The following INPP4B variants were observed in gnomAD, a reference collection of about 807,000 sequenced individuals.
The protein encoded by INPP4B is inositol polyphosphate-4-phosphatase type II B.
INPP4B carries 55 observed loss-of-function variants against 122.5 expected under a neutral mutation model. The observed-to-expected ratio is 0.45, with a 90% CI of 0.36 to 0.56. The LOEUF is 0.56. INPP4B is among the 20% of genes least tolerant of loss of function. The pLI, the probability that INPP4B is intolerant of heterozygous loss-of-function variation, is 0.00. For synonymous variants in INPP4B, 403 were observed against 388.7 expected (o/e 1.04, Z -0.43); for missense variants, 1,000 against 1,097.7 (o/e 0.91, Z 1.26).
intron 2 of INPP4B, among the ~76,000 whole-genome samples, chr4:142,554,531 G>A (rs886933197): frequency 1.3e-5 from 2 of 152,058 alleles, no homozygotes; most frequent in Non-Finnish European, 2.9e-5. Flanking sequence ...CTAATGAAAG[G>A]CAAGCTTAAC....
At chr4:142,226,719 C>T (rs778717140) in intron 12 of INPP4B, among the ~76,000 whole-genome samples, 5 of 151,996 alleles carry the variant, frequency 3.3e-5, no homozygotes, top group Admixed American at 1.3e-4. Flanking sequence ...AGGAAAGAAA[C>T]GATGTAGTGT....
chr4:142,526,106 T>C (rs1231009314), intron 2 of INPP4B, among the ~76,000 whole-genome samples: 1 of 152,066 alleles, frequency 6.6e-6, no homozygotes, highest in Non-Finnish European at 1.5e-5. Context: ...AGAACCCAGA[T>C]TTTAATAGTA....
At chr4:142,819,464 C>A (rs1016170031) in intron 1 of INPP4B, among the ~76,000 whole-genome samples, 6 of 152,070 alleles carry the variant, frequency 3.9e-5, no homozygotes, top group Admixed American at 6.6e-5. Flanking sequence ...AAAATGGCAA[C>A]TAGAAAATTC....
At chr4:142,163,481 C>A (rs183169273) in intron 16 of INPP4B, among the ~76,000 whole-genome samples, 1 of 151,832 alleles carries the variant, frequency 6.6e-6, no homozygotes, top group Non-Finnish European at 1.5e-5. Flanking sequence ...TATCTAATCA[C>A]GTAGACATTG....
At chr4:142,608,209 G>C (rs1027252514) in intron 2 of INPP4B, among the ~76,000 whole-genome samples, 1 of 152,084 alleles carries the variant, frequency 6.6e-6, no homozygotes, top group Non-Finnish European at 1.5e-5. Context: ...TGAAGGCAGA[G>C]GTTTCCTTTT....
At chr4:142,231,076 C>T (rs982304759) in intron 12 of INPP4B, among the ~76,000 whole-genome samples, 1 of 152,226 alleles carries the variant, frequency 6.6e-6, no homozygotes, top group Non-Finnish European at 1.5e-5. Flanking sequence ...AAGTGTATCA[C>T]AACCCTGAGA....
chr4:142,757,668 C>T (rs1202503595), intron 1 of INPP4B, among the ~76,000 whole-genome samples: 1 of 152,146 alleles, frequency 6.6e-6, no homozygotes, highest in Non-Finnish European at 1.5e-5. Context: ...ACCACAGTTT[C>T]TTTATTCACT....
chr4:142,456,824 T>C (rs1815541590), intron 3 of INPP4B, among the ~76,000 whole-genome samples: 1 of 152,026 alleles, frequency 6.6e-6, no homozygotes, highest in South Asian at 2.1e-4. Context: ...AGAATTTTAG[T>C]AGATATCAAG....
In INPP4B at chr4:142,356,870, G is replaced by C. The variant is rs115716102; in HGVS notation, c.373-42108C>G. Among the ~76,000 whole-genome samples, 886 of 151,998 alleles carry C rather than the reference G, an allele frequency of 5.8e-3. 8 individuals carry two copies. Among genetic ancestry groups the C allele is most frequent in the African/African-American group, 0.02 (831 of 41,510 alleles). On this transcript the variant is annotated intron_variant, in intron 7 of 25. Coordinates refer to ENST00000262992, the MANE Select transcript of INPP4B (RefSeq NM_001101669.3). ...TTTAGCCCCAGCCCTCATCCTGCAG[G>C]AAGGGGTGAGGGATTACACATTGAG...
At chr4:142,567,743 A>G (rs1055073190) in intron 2 of INPP4B, among the ~76,000 whole-genome samples, 4 of 152,208 alleles carry the variant, frequency 2.6e-5, no homozygotes, top group African/African-American at 9.6e-5. Context: ...CACCACAGCC[A>G]AAGTAATCAC....
At chr4:142,696,314 A>G (rs1318193606) in intron 2 of INPP4B, among the ~76,000 whole-genome samples, 2 of 152,158 alleles carry the variant, frequency 1.3e-5, no homozygotes, top group Non-Finnish European at 2.9e-5. Flanking sequence ...AGAACTTTCC[A>G]AGAGATCCTC....
At chr4:142,237,626 T>C (rs1325237819) in intron 12 of INPP4B, among the ~76,000 whole-genome samples, 1 of 151,874 alleles carries the variant, frequency 6.6e-6, no homozygotes, top group East Asian at 1.9e-4. Flanking sequence ...TAGGGGACAG[T>C]TCAGGTCTAG....
chr4:142,348,601 T>A (rs939481495), intron 7 of INPP4B, among the ~76,000 whole-genome samples: 8 of 151,948 alleles, frequency 5.3e-5, no homozygotes, highest in African/African-American at 1.9e-4. Context: ...ATCCAGCCTA[T>A]AAGGAAATAA....
intron 22 of INPP4B, 116 bp from the exon 23 acceptor site, chr4:142,108,306 C>A (rs995222072): frequency 6.0e-6 from 4 of 665,282 alleles, no homozygotes; most frequent in African/African-American, 5.6e-5. Flanking sequence ...AAGAGTCTGT[C>A]TCATTTTTCA....
rs543786410 is a variant in INPP4B, at chr4:142,632,191, C to A, written c.-191+93648G>T. Among the ~76,000 whole-genome samples, 9 of 152,166 alleles carry A rather than the reference C, an allele frequency of 5.9e-5. 1 individual carries two copies. The highest frequency in any genetic ancestry group is 3.9e-4 in the Admixed American group (6 of 15,262). Reference sequence around the variant, plus strand: ...CTGAGGCTAACAGAAGTCAGCATGGCAGACTAGCATCCGACATGGGGTCAC... The same window carrying A: ...CTGAGGCTAACAGAAGTCAGCATGGAAGACTAGCATCCGACATGGGGTCAC... On this transcript the variant is annotated intron_variant, in intron 2 of 25. Coordinates refer to ENST00000262992, the MANE Select transcript of INPP4B (RefSeq NM_001101669.3).
intron 2 of INPP4B, among the ~76,000 whole-genome samples, chr4:142,564,101 G>T (rs566355463): frequency 1.3e-5 from 2 of 152,152 alleles, no homozygotes; most frequent in Admixed American, 6.6e-5. Flanking sequence ...GAAACTTCCC[G>T]CAAGTCAGTT....
intron 7 of INPP4B, among the ~76,000 whole-genome samples, chr4:142,369,587 A>AAAAAT (rs1554043877): frequency 9.1e-5 from 13 of 142,382 alleles, no homozygotes; most frequent in African/African-American, 2.6e-4. Flanking sequence ...GAAAATTAAA[A>AAAAAT]AAATAAATAA....
chr4:142,060,910 T>C lies in INPP4B; in HGVS notation c.2642+21121A>G, dbSNP rs538333249. On this transcript the variant is annotated intron_variant, in intron 25 of 25. Transcript: ENST00000262992. ...TGTTCTTCATATTAAATTTAGAACATGGTATTTGATTTTGCTCGTAATTAC... is the reference window on the plus strand; with the variant it reads ...TGTTCTTCATATTAAATTTAGAACACGGTATTTGATTTTGCTCGTAATTAC... Among the ~76,000 whole-genome samples the C allele has an allele frequency of 9.9e-5, 15 of 152,256 alleles. No homozygotes were observed. In the South Asian group the frequency reaches 3.1e-3, roughly 32 times the overall value.
chr4:142,259,612 T>C (rs1322379011), intron 11 of INPP4B, among the ~76,000 whole-genome samples: 2 of 149,934 alleles, frequency 1.3e-5, no homozygotes, highest in Non-Finnish European at 3.0e-5. Context: ...TAATAATAAA[T>C]TAACCTAGGA....
Sources: gnomAD v4.1 joint callset for allele counts (sites outside exome capture counted in the v4.1 genomes callset) on GRCh38, gnomAD v4.1.1 for gene constraint, MANE v1.5 for transcripts, NCBI Gene and HGNC (gene_info 2026-07-23, HGNC 2026-07-21) for gene names.